The following RANBP2 variants were observed in gnomAD, a reference collection of about 807,000 sequenced individuals.
The protein encoded by RANBP2 is E3 SUMO-protein ligase RanBP2.
RANBP2 carries 57 observed loss-of-function variants against 303.6 expected under a neutral mutation model. The ratio of observed to expected loss-of-function variants is 0.19; its 90% confidence interval spans 0.15 to 0.23. The LOEUF (loss-of-function observed/expected upper bound fraction) is 0.23, where lower values mean the gene tolerates loss of function less well. RANBP2 is among the 10% of genes least tolerant of loss of function. The probability of loss-of-function intolerance (pLI) is 1.00; values close to 1 mark genes in which losing one functional copy is unlikely to be tolerated. For synonymous variants in RANBP2, 1,167 were observed against 1,301.5 expected (o/e 0.90, Z 2.23); for missense variants, 3,138 against 3,780.8 (o/e 0.83, Z 4.46).
chr2:109,325,335 T>C, the RANBP2 span, among the ~76,000 whole-genome samples: 50 of 37,102 alleles, frequency 1.3e-3, no homozygotes, highest in African/African-American at 2.1e-3. Flanking sequence ...TTCTTTCTTT[T>C]TTTTTTTTTT....
At chr2:109,360,622 C>T in the RANBP2 span, among the ~76,000 whole-genome samples, 1 of 152,192 alleles carries the variant, frequency 6.6e-6, no homozygotes, top group Non-Finnish European at 1.5e-5. Context: ...ATAAAAGATA[C>T]TCAGCCTGTA....
the RANBP2 span, among the ~76,000 whole-genome samples, chr2:108,897,602 C>A: frequency 1.3e-5 from 2 of 152,102 alleles, no homozygotes; most frequent in African/African-American, 4.8e-5. Context: ...AGGAGGGGTT[C>A]AAAGGGACAG....
chr2:109,528,480 A>G, the RANBP2 span, among the ~76,000 whole-genome samples: 4 of 152,218 alleles, frequency 2.6e-5, no homozygotes, highest in Non-Finnish European at 2.9e-5. Flanking sequence ...AACGGGTGCA[A>G]GACCAGGATG....
the RANBP2 span, among the ~76,000 whole-genome samples, chr2:109,439,709 A>C: frequency 1.5e-4 from 23 of 152,288 alleles, no homozygotes; most frequent in African/African-American, 3.4e-4. Flanking sequence ...GTAAGAGCCC[A>C]GCATAGCCAT....
the RANBP2 span, among the ~76,000 whole-genome samples, chr2:109,693,474 C>G: frequency 0.87 from 132,322 of 152,200 alleles, 60,337 homozygotes; most frequent in East Asian, 1. Flanking sequence ...CTCCTGGTGG[C>G]AGATAATTGA....
At chr2:109,621,090 A>G in the RANBP2 span, among the ~76,000 whole-genome samples, 1 of 152,234 alleles carries the variant, frequency 6.6e-6, no homozygotes, top group Admixed American at 6.5e-5. Flanking sequence ...AGCCTAACTT[A>G]GGATAAAGTT....
chr2:109,246,722 A>G, the RANBP2 span, among the ~76,000 whole-genome samples: 1 of 152,240 alleles, frequency 6.6e-6, no homozygotes, highest in African/African-American at 2.4e-5. Flanking sequence ...CTCTGCTCAG[A>G]TGGACTGGGA....
chr2:109,657,181 T>C, the RANBP2 span, among the ~76,000 whole-genome samples: 28 of 152,140 alleles, frequency 1.8e-4, no homozygotes, highest in African/African-American at 6.5e-4. Flanking sequence ...CATCCTTGCA[T>C]TTCAACATGC....
the RANBP2 span, among the ~76,000 whole-genome samples, chr2:109,608,041 C>T: frequency 4.6e-5 from 7 of 152,218 alleles, no homozygotes; most frequent in East Asian, 1.3e-3. Context: ...ACTAATTTGT[C>T]AGTGAGAACA....
chr2:109,599,335 G>A, the RANBP2 span, among the ~76,000 whole-genome samples: 2 of 151,866 alleles, frequency 1.3e-5, no homozygotes, highest in Non-Finnish European at 2.9e-5. Flanking sequence ...GTGTGTGCCT[G>A]TAATCCCAGT....
chr2:109,264,841 T>C, the RANBP2 span, among the ~76,000 whole-genome samples: 2 of 152,250 alleles, frequency 1.3e-5, no homozygotes, highest in Admixed American at 1.3e-4. Flanking sequence ...TGGAGTGTGC[T>C]ATTTTCCACT....
the RANBP2 span, among the ~76,000 whole-genome samples, chr2:109,331,250 G>A: frequency 1.3e-5 from 2 of 152,010 alleles, no homozygotes; most frequent in Non-Finnish European, 2.9e-5. Flanking sequence ...ACCCCCACCC[G>A]CCTGTCCCGC....
At chr2:109,339,694 C>T in the RANBP2 span, among the ~76,000 whole-genome samples, 4,515 of 152,320 alleles carry the variant, frequency 0.03, 81 homozygotes, top group Non-Finnish European at 0.041. Context: ...TGCTCAAGTA[C>T]TCCTCTAAGT....
the RANBP2 span, among the ~76,000 whole-genome samples, chr2:109,006,807 C>T: frequency 7.9e-5 from 12 of 152,192 alleles, no homozygotes; most frequent in Admixed American, 7.2e-4. Context: ...TGGATTTCCT[C>T]CTAAACCTTC....
chr2:108,913,756 C>T, the RANBP2 span, among the ~76,000 whole-genome samples: 45 of 152,142 alleles, frequency 3.0e-4, no homozygotes, highest in East Asian at 8.7e-3. Flanking sequence ...CAAGATCATC[C>T]TGGCTAACAC....
At chr2:109,524,122 C>G in the RANBP2 span, among the ~76,000 whole-genome samples, 1 of 152,330 alleles carries the variant, frequency 6.6e-6, no homozygotes, top group Admixed American at 6.5e-5. Context: ...TTCTGCACAT[C>G]ATGCATAAGG....
chr2:109,395,708 C>T, the RANBP2 span, among the ~76,000 whole-genome samples: 5 of 152,148 alleles, frequency 3.3e-5, no homozygotes, highest in South Asian at 6.2e-4. Context: ...TGCTGGTGGC[C>T]GCCCAGTGCT....
At chr2:109,074,826 G>A in the RANBP2 span, among the ~76,000 whole-genome samples, 3 of 149,246 alleles carry the variant, frequency 2.0e-5, 1 homozygote, top group Admixed American at 6.7e-5. Flanking sequence ...TTCAAGACCA[G>A]CCTGGCCAAC....
At chr2:109,586,607 C>A in the RANBP2 span, among the ~76,000 whole-genome samples, 1 of 152,186 alleles carries the variant, frequency 6.6e-6, no homozygotes, top group African/African-American at 2.4e-5. Context: ...GATGGCCAAA[C>A]TGCACACATA....
Sources: gnomAD v4.1 joint callset for allele counts (sites outside exome capture counted in the v4.1 genomes callset) on GRCh38, gnomAD v4.1.1 for gene constraint, MANE v1.5 for transcripts, NCBI Gene and HGNC (gene_info 2026-07-23, HGNC 2026-07-21) for gene names.